TENM2: variants seen among roughly 807,000 people sequenced by gnomAD.
The protein encoded by TENM2 is teneurin-2.
TENM2 carries 52 observed loss-of-function variants against 245.2 expected under a neutral mutation model. The observed-to-expected ratio is 0.21, with a 90% CI of 0.17 to 0.27. The LOEUF (loss-of-function observed/expected upper bound fraction) is 0.27, where lower values mean the gene tolerates loss of function less well. TENM2 is among the 10% of genes least tolerant of loss of function. The pLI is 1.00. For missense variants in TENM2, 3,046 were observed against 3,666.8 expected, an observed-to-expected ratio of 0.83 and a Z score of 4.37; for synonymous variants, 1,363 against 1,438.9, an observed-to-expected ratio of 0.95 and a Z score of 1.19.
chr5:167,965,221 G>A (rs1220197932), intron 4 of TENM2: 1 of 152,178 alleles, frequency 6.6e-6, no homozygotes, highest in Non-Finnish European at 1.5e-5. Context: ...ATGTGCTGAA[G>A]AAGGAACAGG....
At chr5:167,695,878 C>CA (rs1757731654) in intron 2 of TENM2, among the ~76,000 whole-genome samples, 1 of 151,538 alleles carries the variant, frequency 6.6e-6, no homozygotes, top group Non-Finnish European at 1.5e-5. Flanking sequence ...GCTAAAAATA[C>CA]AAAAAATTAG....
chr5:168,181,882 G>T (rs894910686), intron 13 of TENM2, among the ~76,000 whole-genome samples: 8 of 151,876 alleles, frequency 5.3e-5, no homozygotes, highest in Admixed American at 2.6e-4. Flanking sequence ...TCATCATGTT[G>T]GTCAGGCTGG....
the TENM2 span, among the ~76,000 whole-genome samples, chr5:167,178,322 T>C: frequency 6.6e-6 from 1 of 152,180 alleles, no homozygotes; most frequent in Non-Finnish European, 1.5e-5. Context: ...TTCAGGGTGT[T>C]TATACATTTG....
chr5:167,468,224 A>C (rs1766796387), intron 2 of TENM2, among the ~76,000 whole-genome samples: 1 of 152,226 alleles, frequency 6.6e-6, no homozygotes, highest in Non-Finnish European at 1.5e-5. Context: ...GGCGTGAGCC[A>C]CCACGCCCAT....
intron 2 of TENM2, among the ~76,000 whole-genome samples, chr5:167,867,691 C>G (rs1772444271): frequency 6.6e-6 from 1 of 152,180 alleles, no homozygotes; most frequent in Non-Finnish European, 1.5e-5. Context: ...CTGATATCGT[C>G]TCATTGAGAA....
At chr5:167,761,788 C>A (rs1451929404) in intron 2 of TENM2, among the ~76,000 whole-genome samples, 3 of 152,200 alleles carry the variant, frequency 2.0e-5, no homozygotes, top group East Asian at 1.9e-4. Flanking sequence ...TTCTGAGCAG[C>A]TGTACAGAGC....
chr5:167,237,642 G>GTT, the TENM2 span, among the ~76,000 whole-genome samples: 1 of 152,152 alleles, frequency 6.6e-6, no homozygotes, highest in Non-Finnish European at 1.5e-5. Context: ...TCAAGAAAGC[G>GTT]TAAGTGTCAG....
the TENM2 span, among the ~76,000 whole-genome samples, chr5:167,021,056 A>T: frequency 6.6e-6 from 1 of 152,172 alleles, no homozygotes; most frequent in Non-Finnish European, 1.5e-5. Flanking sequence ...AGGCACAAGA[A>T]TTGCTTCAAC....
chr5:168,039,350 G>A (rs1787981607), intron 5 of TENM2, among the ~76,000 whole-genome samples: 1 of 152,146 alleles, frequency 6.6e-6, no homozygotes, highest in South Asian at 2.1e-4. Context: ...GTTGTCAACA[G>A]TGAATGACAA....
At chr5:168,059,625 A>G (rs1355482882) in intron 6 of TENM2, among the ~76,000 whole-genome samples, 1 of 151,388 alleles carries the variant, frequency 6.6e-6, no homozygotes, top group Admixed American at 6.6e-5. Flanking sequence ...CCTTCTTTTT[A>G]TTTATATCCT....
intron 2 of TENM2, among the ~76,000 whole-genome samples, chr5:167,799,200 G>A (rs1256203151): frequency 6.6e-6 from 1 of 152,188 alleles, no homozygotes; most frequent in Non-Finnish European, 1.5e-5. Context: ...AGGGTAAATG[G>A]CAGAGCCTTC....
chr5:167,438,478 G>A (rs147408397), intron 2 of TENM2, among the ~76,000 whole-genome samples: 1,551 of 152,196 alleles, frequency 0.01, 22 homozygotes, highest in African/African-American at 0.032. Flanking sequence ...TGCAAGCTCT[G>A]CCTCCTGAGT....
chr5:167,547,641 C>G lies in TENM2; in HGVS notation c.502+172168C>G, dbSNP rs190513753. On this transcript the variant is annotated intron_variant, in intron 2 of 28. Coordinates refer to ENST00000518659, the Ensembl canonical transcript of TENM2. ...GGACTTTAGAGTTTGCACAGTTTAA[C>G]TTTCTCTTTACAGATGTAGAAACGG... is the stretch of plus-strand genomic sequence containing the variant. Among the ~76,000 whole-genome samples, 32 of 152,280 alleles carry G rather than the reference C, an allele frequency of 2.1e-4. 3 individuals carry two copies. Among genetic ancestry groups the G allele is most frequent in the African/African-American group, 7.5e-4 (31 of 41,568 alleles).
At chr5:167,585,028 T>C (rs1775386245) in intron 2 of TENM2, among the ~76,000 whole-genome samples, 1 of 152,184 alleles carries the variant, frequency 6.6e-6, no homozygotes, top group Non-Finnish European at 1.5e-5. Flanking sequence ...TGTGCAAATA[T>C]ATAAATACTC....
chr5:167,108,685 G>T, the TENM2 span, among the ~76,000 whole-genome samples: 1 of 152,210 alleles, frequency 6.6e-6, no homozygotes, highest in Non-Finnish European at 1.5e-5. Flanking sequence ...GCACAAGTAG[G>T]TTCTCATCCT....
At chr5:167,094,153 C>T in the TENM2 span, among the ~76,000 whole-genome samples, 1 of 152,086 alleles carries the variant, frequency 6.6e-6, no homozygotes, top group East Asian at 1.9e-4. Context: ...TATGTGGAGA[C>T]TTTTATTTTA....
chr5:167,628,435 C>T (rs971548732), intron 2 of TENM2, among the ~76,000 whole-genome samples: 2 of 152,156 alleles, frequency 1.3e-5, no homozygotes, highest in Non-Finnish European at 2.9e-5. Context: ...CATTCTCTTC[C>T]CTCGTGGTAT....
intron 2 of TENM2, among the ~76,000 whole-genome samples, chr5:167,398,365 CCTTTCTTTCTTCCTTTCTTT>C (rs1178562645): frequency 5.6e-5 from 8 of 143,984 alleles, no homozygotes; most frequent in African/African-American, 2.1e-4. Context: ...TTCTTTCTTT[CCTTTCTTTCTTCCTTTCTTT>C]CTTTCTTTCT....
the TENM2 span, among the ~76,000 whole-genome samples, chr5:167,167,450 G>A: frequency 2.0e-3 from 297 of 152,140 alleles, 2 homozygotes; most frequent in Non-Finnish European, 3.2e-3. Context: ...ACTCAGCTCC[G>A]GATCACTCTT....
Sources: allele counts gnomAD v4.1 joint callset (sites outside exome capture counted in the v4.1 genomes callset), GRCh38; gene constraint gnomAD v4.1.1; transcripts MANE v1.5; gene names NCBI Gene and HGNC (gene_info 2026-07-23, HGNC 2026-07-21).